The following PCDHA13 variants were observed in gnomAD, a reference collection of about 807,000 sequenced individuals.
PCDHA13 encodes the protein protocadherin alpha-13.
In PCDHA13, 54 loss-of-function variants were observed where a neutral mutation model predicts 64.8. The observed-to-expected ratio is 0.83, with a 90% CI of 0.67 to 1.04. PCDHA13 has a LOEUF of 1.04. Ranked by LOEUF, PCDHA13 falls within the 50% of genes least tolerant of loss-of-function variation. The pLI is 0.00. For missense variants in PCDHA13, 1,248 were observed against 1,254.3 expected (o/e 0.99, Z 0.08); for synonymous variants, 587 against 564.4 (o/e 1.04, Z -0.57).
chr5:140,954,433 T>C (rs1554221415), intron 1 of PCDHA13, among the ~76,000 whole-genome samples: 2 of 151,820 alleles, frequency 1.3e-5, no homozygotes, highest in African/African-American at 4.8e-5. Flanking sequence ...TCTCCATCTG[T>C]TGTTTCTGGA....
intron 3 of PCDHA13, among the ~76,000 whole-genome samples, chr5:141,007,036 A>G (rs1018909399): frequency 4.6e-5 from 7 of 152,200 alleles, no homozygotes; most frequent in African/African-American, 1.4e-4. Context: ...ATTTATATCT[A>G]TGGATATGGC....
At chr5:140,982,296 C>A in intron 2 of PCDHA13, 179 bp from the exon 3 acceptor site, 1 of 1,167,132 alleles carries the variant, frequency 8.6e-7, no homozygotes, top group Non-Finnish European at 1.2e-6. Flanking sequence ...AGTAAGTCAG[C>A]AATGCTTCTG....
chr5:140,933,900 G>T (rs941556210), intron 1 of PCDHA13, among the ~76,000 whole-genome samples: 1 of 151,518 alleles, frequency 6.6e-6, no homozygotes, highest in South Asian at 2.1e-4. Flanking sequence ...GAATATTTTG[G>T]CATAAAGTTG....
At chr5:140,943,624 G>C (rs2093534515) in intron 1 of PCDHA13, among the ~76,000 whole-genome samples, 2 of 152,106 alleles carry the variant, frequency 1.3e-5, no homozygotes, top group African/African-American at 4.8e-5. Context: ...ATCTGCATAA[G>C]GAAGCTGGAT....
intron 2 of PCDHA13, among the ~76,000 whole-genome samples, chr5:140,982,016 A>C (rs2096962660): frequency 6.6e-6 from 1 of 152,260 alleles, no homozygotes; most frequent in African/African-American, 2.4e-5. Context: ...TTAGATAGCC[A>C]AATTGGAACA....
chr5:140,925,151 T>G (rs1378736882), intron 1 of PCDHA13, among the ~76,000 whole-genome samples: 3 of 151,748 alleles, frequency 2.0e-5, no homozygotes, highest in African/African-American at 7.3e-5. Context: ...ACACAAAAGT[T>G]GAGAGAATTG....
chr5:140,976,323 G>A (rs532976656), intron 1 of PCDHA13, among the ~76,000 whole-genome samples: 26 of 152,258 alleles, frequency 1.7e-4, no homozygotes, highest in African/African-American at 6.0e-4. Context: ...GGCCGAGGAG[G>A]GTGGATTGCC....
At chr5:141,009,147 C>A (rs1193433198) in intron 3 of PCDHA13, among the ~76,000 whole-genome samples, 1 of 152,332 alleles carries the variant, frequency 6.6e-6, no homozygotes, top group Admixed American at 6.5e-5. Flanking sequence ...AACCTGCCCT[C>A]TTGCTTGTCT....
chr5:140,884,135 C>A lies in PCDHA13; in HGVS notation c.1867C>A (p.Arg623Ser), dbSNP rs1554181269. Residue 623 changes from arginine to serine, a missense_variant, in exon 1 of 4, where the codon CGC becomes AGC. Physicochemically the swap from Arg to Ser is moderately radical, Grantham distance 110. Transcript: ENST00000289272. ...GGCGGTCGGCGCGCGCATCCCGTTC[C>A]GCGTGGGGCTGTACACTGGCGAGAT... ...LAAVGARIPF[R>S]VGLYTGEIST... 6.2e-7 allele frequency: 1 copy of A among 1,613,422 alleles called. No individual in the cohort carries two copies.
At chr5:140,891,128 C>G (rs1554184692) in intron 1 of PCDHA13, among the ~76,000 whole-genome samples, 1 of 152,100 alleles carries the variant, frequency 6.6e-6, no homozygotes, top group Non-Finnish European at 1.5e-5. Flanking sequence ...AAATGTCATT[C>G]CTTTAAAGGT....
At chr5:140,952,185 T>C (rs1354216964) in intron 1 of PCDHA13, among the ~76,000 whole-genome samples, 1 of 152,010 alleles carries the variant, frequency 6.6e-6, no homozygotes, top group Non-Finnish European at 1.5e-5. Context: ...GCTGCTCTCA[T>C]GGGTTGGTGT....
intron 1 of PCDHA13, among the ~76,000 whole-genome samples, chr5:140,943,465 GA>G (rs1412044069): frequency 6.6e-6 from 1 of 152,022 alleles, no homozygotes. Flanking sequence ...CTAAATGTGG[GA>G]GATACAGTAA....
intron 1 of PCDHA13, among the ~76,000 whole-genome samples, chr5:140,977,149 G>A (rs1484811068): frequency 6.6e-6 from 1 of 152,198 alleles, no homozygotes; most frequent in Non-Finnish European, 1.5e-5. Flanking sequence ...TGCTGGAACT[G>A]TGCCTTTCAG....
chr5:140,986,947 C>T (rs983987541), intron 3 of PCDHA13, among the ~76,000 whole-genome samples: 1 of 152,160 alleles, frequency 6.6e-6, no homozygotes, highest in African/African-American at 2.4e-5. Context: ...GGTGTGGTCG[C>T]TCATGCCTGT....
intron 2 of PCDHA13, 69 bp downstream of exon 2, chr5:140,979,076 C>G: frequency 6.3e-7 from 1 of 1,584,068 alleles, no homozygotes; most frequent in South Asian, 1.1e-5. Flanking sequence ...AACTGCATCT[C>G]CATAGGCCAG....
At position 140,883,773 on chromosome 5, in the gene PCDHA13, G is replaced by C. The variant is rs1362933627; in HGVS notation, c.1505G>C (p.Arg502Pro). The C allele has an allele frequency of 6.8e-6, 11 of 1,612,372 alleles. No individual in the cohort carries two copies. The highest frequency in any genetic ancestry group is 9.3e-6 in the Non-Finnish European group (11 of 1,179,688). The change falls in exon 1 of 4, where the codon CGT becomes CCT. Residue 502 changes from arginine to proline, a missense_variant. Coordinates refer to ENST00000289272, the MANE Select transcript of PCDHA13 (RefSeq NM_018904.3). ...YSLVERRVGE[R>P]ALSSYVSVHA... is the part of the protein sequence containing the mutation. ...CTGGTGGAGCGGCGGGTGGGCGAGC[G>C]TGCGCTGTCGAGCTACGTGTCGGTG...
At chr5:140,979,215 G>A (rs1463069868) in intron 2 of PCDHA13, among the ~76,000 whole-genome samples, 5 of 152,178 alleles carry the variant, frequency 3.3e-5, no homozygotes, top group African/African-American at 4.8e-5. Context: ...TGGCATATAA[G>A]AGTCCTCTGT....
rs782092684 is a variant in PCDHA13, at chr5:140,883,009, T to C, written c.741T>C (p.Tyr247=). 1.2e-6 allele frequency: 2 copies of C among 1,614,126 alleles called. No homozygotes were observed. The highest frequency in any genetic ancestry group is 2.2e-5 in the South Asian group (2 of 91,070). Residue 247 remains tyrosine, a synonymous_variant, in exon 1 of 4, where the codon TAT becomes TAC. Coordinates refer to ENST00000289272, the MANE Select transcript of PCDHA13 (RefSeq NM_018904.3). ...DNAPEFYQSV[Y]KVTVLENAFN... ...CCCCGGAATTTTACCAATCCGTTTA[T>C]AAAGTGACGGTGTTAGAGAACGCCT...
intron 1 of PCDHA13, among the ~76,000 whole-genome samples, chr5:140,885,133 T>G (rs2060482847): frequency 6.6e-6 from 1 of 152,216 alleles, no homozygotes; most frequent in Admixed American, 6.5e-5. Context: ...CTTTCTTTCT[T>G]TTTTTAAACT....
Sources: gnomAD v4.1 joint callset for allele counts (sites outside exome capture counted in the v4.1 genomes callset) on GRCh38, gnomAD v4.1.1 for gene constraint, MANE v1.5 for transcripts, NCBI Gene and HGNC (gene_info 2026-07-23, HGNC 2026-07-21) for gene names.